FBXL2: variants seen among roughly 807,000 people sequenced by gnomAD.
FBXL2 encodes F-box/LRR-repeat protein 2.
Under a neutral mutation model 69.2 loss-of-function variants are expected in FBXL2, and 38 were observed. The observed-to-expected ratio is 0.55, with a 90% CI of 0.42 to 0.72. FBXL2 has a LOEUF of 0.72. Ranked by LOEUF, FBXL2 falls within the 30% of genes least tolerant of loss-of-function variation. The pLI, the probability that FBXL2 is intolerant of heterozygous loss-of-function variation, is 0.00. For missense variants in FBXL2, 354 were observed against 520.3 expected (o/e 0.68, Z 3.11); for synonymous variants, 192 against 201.3 (o/e 0.95, Z 0.39).
intron 1 of FBXL2, among the ~76,000 whole-genome samples, chr3:33,280,500 G>C (rs896734618): frequency 6.6e-6 from 1 of 152,006 alleles, no homozygotes; most frequent in Admixed American, 6.6e-5. Context: ...CTTCAGTCCC[G>C]GAGTTCAAGA....
At chr3:33,377,997 G>A (rs2042754905) in intron 11 of FBXL2, 106 bp from the exon 12 acceptor site, 3 of 1,079,922 alleles carry the variant, frequency 2.8e-6, no homozygotes, top group African/African-American at 3.1e-5. Context: ...CTTCTTAACA[G>A]AAGAGAACAA....
intron 2 of FBXL2, among the ~76,000 whole-genome samples, chr3:33,322,132 C>T (rs751588495): frequency 3.3e-5 from 4 of 122,336 alleles, no homozygotes; most frequent in African/African-American, 9.8e-5. Context: ...GACTGGAGTG[C>T]AGTGGCGCCA....
intron 4 of FBXL2, among the ~76,000 whole-genome samples, chr3:33,363,605 A>C (rs1368002072): frequency 6.6e-6 from 1 of 152,150 alleles, no homozygotes; most frequent in African/African-American, 2.4e-5. Context: ...TTATTCCTGA[A>C]GGTCTGGTCA....
At chr3:33,319,180 C>G (rs1287205425) in intron 2 of FBXL2, among the ~76,000 whole-genome samples, 21 of 152,042 alleles carry the variant, frequency 1.4e-4, no homozygotes, top group Admixed American at 1.4e-3. Flanking sequence ...TGCAGTGGTT[C>G]AGCACAAACT....
intron 5 of FBXL2, among the ~76,000 whole-genome samples, chr3:33,367,907 A>G (rs1054005497): frequency 1.5e-4 from 23 of 152,242 alleles, no homozygotes; most frequent in Admixed American, 9.8e-4. Flanking sequence ...CTTATATGCT[A>G]TGTTTTCATT....
chr3:33,288,506 T>C (rs191381848), intron 1 of FBXL2, among the ~76,000 whole-genome samples: 1 of 152,262 alleles, frequency 6.6e-6, no homozygotes, highest in African/African-American at 2.4e-5. Flanking sequence ...AAGGGATGTG[T>C]TGCTTTTAAT....
chr3:33,384,096 C>T lies in FBXL2; in HGVS notation c.1059C>T (p.Leu353=), dbSNP rs1208888222. ...TACTGGAGTTGGACAACTGCCTCCT[C>T]ATCACTGATGTGGCCCTGGAACACC... ...LRVLELDNCL[L]ITDVALEHLE... Residue 353 remains leucine, a synonymous_variant, in exon 14 of 15, where the codon CTC becomes CTT. Coordinates refer to ENST00000484457, the MANE Select transcript of FBXL2 (RefSeq NM_012157.5). 3 of 1,614,044 alleles carry T rather than the reference C, an allele frequency of 1.9e-6. No individual in the cohort carries two copies.
chr3:33,377,015 C>T (rs2042684067), intron 10 of FBXL2, among the ~76,000 whole-genome samples: 1 of 148,276 alleles, frequency 6.7e-6, no homozygotes, highest in Non-Finnish European at 1.5e-5. Flanking sequence ...CAAAACAAAA[C>T]AAAAACAAAA....
intron 1 of FBXL2, among the ~76,000 whole-genome samples, chr3:33,287,829 A>G (rs2034807283): frequency 1.3e-5 from 2 of 152,198 alleles, no homozygotes; most frequent in South Asian, 2.1e-4. Flanking sequence ...GCACAAATGT[A>G]CTAATTACAC....
intron 1 of FBXL2, among the ~76,000 whole-genome samples, chr3:33,284,644 G>A (rs9872022): frequency 2.0e-5 from 3 of 151,966 alleles, no homozygotes; most frequent in Non-Finnish European, 1.5e-5. Flanking sequence ...TTGACAGTGG[G>A]GTGTTAAAGT....
intron 12 of FBXL2, among the ~76,000 whole-genome samples, chr3:33,401,509 A>G (rs951893605): frequency 6.6e-6 from 1 of 152,246 alleles, no homozygotes; most frequent in African/African-American, 2.4e-5. Context: ...TCAAGAGAAC[A>G]AAAGAAATTA....
chr3:33,401,871 C>G (rs1279365561), intron 12 of FBXL2, among the ~76,000 whole-genome samples: 1 of 152,156 alleles, frequency 6.6e-6, no homozygotes, highest in Non-Finnish European at 1.5e-5. Context: ...GGAAACTATT[C>G]TAAGCCCTCA....
intron 13 of FBXL2, among the ~76,000 whole-genome samples, chr3:33,380,727 A>G (rs567159506): frequency 6.6e-6 from 1 of 152,192 alleles, no homozygotes; most frequent in Admixed American, 6.5e-5. Context: ...TCTTTCATGC[A>G]CACACATCCA....
intron 13 of FBXL2, among the ~76,000 whole-genome samples, chr3:33,379,747 A>G (rs1448177826): frequency 6.6e-6 from 1 of 152,150 alleles, no homozygotes; most frequent in Non-Finnish European, 1.5e-5. Flanking sequence ...AGAAGCAAGT[A>G]TCTGTAACAA....
At chr3:33,390,684 G>A (rs1461516354), downstream of FBXL2, 3 of 343,052 alleles carry the variant, frequency 8.7e-6, no homozygotes, top group Non-Finnish European at 1.6e-5. Context: ...AGGGGAGCAA[G>A]AGCTAGAAGG....
intron 14 of FBXL2, among the ~76,000 whole-genome samples, chr3:33,385,185 G>C (rs1192059791): frequency 6.6e-6 from 1 of 152,124 alleles, no homozygotes; most frequent in East Asian, 1.9e-4. Context: ...TATGCTTTAA[G>C]TTTAGGCAAC....
downstream of FBXL2, among the ~76,000 whole-genome samples, chr3:33,407,921 G>A (rs1042212560): frequency 6.6e-6 from 1 of 152,210 alleles, no homozygotes; most frequent in African/African-American, 2.4e-5. Flanking sequence ...ATCATCGTTT[G>A]TGGACTAATA....
chr3:33,295,921 G>T (rs190253039), intron 1 of FBXL2, among the ~76,000 whole-genome samples: 1 of 152,278 alleles, frequency 6.6e-6, no homozygotes, highest in Admixed American at 6.5e-5. Flanking sequence ...AAATTGGGTT[G>T]TCTTTTATTG....
chr3:33,277,883 T>A (rs1303388806), intron 1 of FBXL2, among the ~76,000 whole-genome samples: 1 of 152,168 alleles, frequency 6.6e-6, no homozygotes. Flanking sequence ...ATGGATATCA[T>A]ATGTATTTAT....
Sources: gnomAD v4.1 joint callset for allele counts (sites outside exome capture counted in the v4.1 genomes callset) on GRCh38, gnomAD v4.1.1 for gene constraint, MANE v1.5 for transcripts, NCBI Gene and HGNC (gene_info 2026-07-23, HGNC 2026-07-21) for gene names.